The following TNFAIP6 variants were observed in gnomAD, a reference collection of about 807,000 sequenced individuals.
TNFAIP6 encodes tumor necrosis factor-inducible gene 6 protein.
In TNFAIP6, 36 loss-of-function variants were observed where a neutral mutation model predicts 33.7. The ratio of observed to expected loss-of-function variants is 1.07; its 90% CI spans 0.82 to 1.41. The LOEUF is 1.41. TNFAIP6 is among the 40% of genes most tolerant of loss of function. The pLI is 0.00. For synonymous variants in TNFAIP6, 113 were observed against 112.8 expected, an observed-to-expected ratio of 1.00 and a Z score of -0.01; for missense variants, 273 against 331.9, an observed-to-expected ratio of 0.82 and a Z score of 1.38.
intron 1 of TNFAIP6, among the ~76,000 whole-genome samples, chr2:151,362,115 T>G (rs1260961522): frequency 6.6e-6 from 1 of 152,194 alleles, no homozygotes; most frequent in Non-Finnish European, 1.5e-5. Flanking sequence ...TACAGAGACT[T>G]AACCATAATG....
chr2:151,380,952 T>A (rs1685002343), downstream of TNFAIP6, among the ~76,000 whole-genome samples: 1 of 152,230 alleles, frequency 6.6e-6, no homozygotes, highest in East Asian at 1.9e-4. Context: ...TTCATCTATA[T>A]TTTATTTTTG....
chr2:151,377,237 T>TCGGCTCACTGCAAGCTCC (rs1468007153), intron 5 of TNFAIP6, among the ~76,000 whole-genome samples: 5 of 151,876 alleles, frequency 3.3e-5, no homozygotes, highest in African/African-American at 1.2e-4. Context: ...TGGCAGGATC[T>TCGGCTCACTGCAAGCTCC]CGGCTCACTG....
At chr2:151,376,219 C>G (rs1684903858) in intron 5 of TNFAIP6, among the ~76,000 whole-genome samples, 1 of 152,064 alleles carries the variant, frequency 6.6e-6, no homozygotes, top group Non-Finnish European at 1.5e-5. Context: ...GCACGCTAGC[C>G]TGGGCAACAA....
intron 3 of TNFAIP6, chr2:151,368,355 T>C (rs1475214749): frequency 6.7e-6 from 1 of 148,540 alleles, no homozygotes; most frequent in East Asian, 2.0e-4. Context: ...CTTTCTATGC[T>C]CCTGTTCTGC....
chr2:151,368,409 G>A (rs557810753), intron 3 of TNFAIP6: 2 of 147,980 alleles, frequency 1.4e-5, no homozygotes, highest in African/African-American at 4.9e-5. Context: ...AGGCTGGGGA[G>A]CATCTTTTTT....
intron 4 of TNFAIP6, among the ~76,000 whole-genome samples, chr2:151,370,967 A>T (rs1469216718): frequency 6.6e-6 from 1 of 151,998 alleles, no homozygotes; most frequent in Non-Finnish European, 1.5e-5. Flanking sequence ...GCTACTCAGG[A>T]GGCTGAGGCA....
chr2:151,358,844 T>C (rs966532841), intron 1 of TNFAIP6, among the ~76,000 whole-genome samples: 8 of 152,174 alleles, frequency 5.3e-5, no homozygotes. Flanking sequence ...AGACGGGATC[T>C]GAAATTTAGT....
At chr2:151,366,020 T>C (rs200864745) in intron 2 of TNFAIP6, 36 bp from the exon 3 acceptor site, 4 of 1,604,656 alleles carry the variant, frequency 2.5e-6, no homozygotes, top group Non-Finnish European at 3.4e-6. Context: ...CAAGACAGTT[T>C]ACCTGTTTAG....
intron 5 of TNFAIP6, among the ~76,000 whole-genome samples, chr2:151,374,683 A>G (rs1477581810): frequency 6.6e-6 from 1 of 152,228 alleles, no homozygotes; most frequent in African/African-American, 2.4e-5. Flanking sequence ...AAACTCCCTT[A>G]AGAAAGATAA....
chr2:151,366,327 A>G (rs967785861), intron 3 of TNFAIP6, 110 bp downstream of exon 3: 1 of 944,378 alleles, frequency 1.1e-6, no homozygotes, highest in Non-Finnish European at 1.6e-6. Flanking sequence ...TTTGGTAATA[A>G]TAACTACTAC....
At chr2:151,380,817 T>C (rs1003180145), downstream of TNFAIP6, among the ~76,000 whole-genome samples, 8 of 152,224 alleles carry the variant, frequency 5.3e-5, no homozygotes, top group Non-Finnish European at 1.2e-4. Context: ...TGTGAAACTT[T>C]AGCATGAGTG....
intron 3 of TNFAIP6, among the ~76,000 whole-genome samples, chr2:151,368,952 G>A (rs1417191906): frequency 6.6e-6 from 1 of 152,168 alleles, no homozygotes; most frequent in Non-Finnish European, 1.5e-5. Flanking sequence ...CAACACTTTG[G>A]GAAGCTGAGG....
Position 151,370,138 on chromosome 2 carries a change from G to A in TNFAIP6, c.513G>A (p.Gln171=). The part of the protein sequence containing the change: ...CYWHIRLKYG[Q]RIHLSFLDFD... Reference sequence around the variant, plus strand: ...GGCACATTAGACTCAAGTATGGTCAGCGTATTCACCTGAGTTTTTTAGATT... The same window carrying A: ...GGCACATTAGACTCAAGTATGGTCAACGTATTCACCTGAGTTTTTTAGATT... The change falls in exon 4 of 6, where the codon CAG becomes CAA. Residue 171 remains glutamine, a synonymous_variant. Transcript: ENST00000243347. 6.2e-7 allele frequency: 1 copy of A among 1,614,102 alleles called. No homozygotes were observed. The highest frequency in any genetic ancestry group is 8.5e-7 in the Non-Finnish European group (1 of 1,180,010).
In TNFAIP6 at chr2:151,363,946, G is replaced by T. The variant is rs761269991; in HGVS notation, c.98G>T (p.Arg33Leu). The change falls in exon 2 of 6, where the codon CGA becomes CTA. Residue 33 changes from arginine to leucine, a missense_variant. Arg to Leu is a moderately radical substitution (Grantham distance 102, BLOSUM62 -2). Transcript: ENST00000243347. ...ATGACATCATCTGATTTTGCAGAAC[G>T]AGCAGCCGGTGTGTACCACAGAGAA... ...GIFHNSIWLE[R>L]AAGVYHREAR... 1 of 1,611,672 alleles carries T rather than the reference G, an allele frequency of 6.2e-7. No individual in the cohort carries two copies. The highest frequency in any genetic ancestry group is 2.2e-5 in the East Asian group (1 of 44,830).
chr2:151,370,083 A>C lies in TNFAIP6; in HGVS notation c.458A>C (p.Asn153Thr). The C allele has an allele frequency of 6.2e-7, 1 of 1,614,128 alleles. No individual in the cohort carries two copies. Among genetic ancestry groups the C allele is most frequent in the Non-Finnish European group, 8.5e-7 (1 of 1,180,014 alleles). The stretch of plus-strand genomic sequence containing the variant: ...ATTTTTAAATCTCCAGGCTTCCCAA[A>C]TGAGTACGAAGATAACCAAATCTGC... The part of the protein sequence containing the change: ...KQIFKSPGFP[N>T]EYEDNQICYW... The change falls in exon 4 of 6, where the codon AAT becomes ACT. Residue 153 changes from asparagine to threonine, a missense_variant. Transcript: ENST00000243347.
Position 151,370,210 on chromosome 2 carries a change from A to C in TNFAIP6, c.585A>C (p.Ile195=). 6.2e-7 allele frequency: 1 copy of C among 1,614,152 alleles called. No homozygotes were observed. The highest frequency in any genetic ancestry group is 8.5e-7 in the Non-Finnish European group (1 of 1,180,014). The stretch of plus-strand genomic sequence containing the variant: ...GTTGCTTGGCTGATTATGTTGAAAT[A>C]TATGACAGTTACGATGATGTCCATG... The part of the protein sequence containing the change: ...DPGCLADYVE[I]YDSYDDVHGF... Residue 195 remains isoleucine, a synonymous_variant, in exon 4 of 6, where the codon ATA becomes ATC. Coordinates refer to ENST00000243347, the MANE Select transcript of TNFAIP6 (RefSeq NM_007115.4).
chr2:151,381,296 C>T (rs1336909980), downstream of TNFAIP6, among the ~76,000 whole-genome samples: 1 of 151,996 alleles, frequency 6.6e-6, no homozygotes, highest in Admixed American at 6.6e-5. Flanking sequence ...CATAGCAAGA[C>T]CTCATCTCTA....
At chr2:151,361,180 T>C (rs954664917) in intron 1 of TNFAIP6, among the ~76,000 whole-genome samples, 1 of 151,914 alleles carries the variant, frequency 6.6e-6, no homozygotes, top group Non-Finnish European at 1.5e-5. Flanking sequence ...GTTCAAGCAA[T>C]TCTCCTGCCT....
At chr2:151,380,838 G>C (rs1573789510), downstream of TNFAIP6, among the ~76,000 whole-genome samples, 1 of 151,990 alleles carries the variant, frequency 6.6e-6, no homozygotes, top group Non-Finnish European at 1.5e-5. Context: ...ACTCCATTTT[G>C]GTTTGGTCTC....
Sources: allele counts gnomAD v4.1 joint callset (sites outside exome capture counted in the v4.1 genomes callset), GRCh38; gene constraint gnomAD v4.1.1; transcripts MANE v1.5; gene names NCBI Gene and HGNC (gene_info 2026-07-23, HGNC 2026-07-21).